Variants in ZNF148 observed in about 807,000 individuals in gnomAD.
ZNF148 encodes Beta-Enolase Repressor Factor-1.
A neutral mutation model predicts 67.7 loss-of-function variants in ZNF148; 7 were observed. The ratio of observed to expected loss-of-function variants is 0.10; its 90% confidence interval spans 0.06 to 0.19. The LOEUF (loss-of-function observed/expected upper bound fraction) is 0.19. Among genes scored for constraint, ZNF148 ranks in the 10% least tolerant of loss-of-function variants. ZNF148 has a pLI of 1.00. For synonymous variants in ZNF148, 333 were observed against 330.7 expected (o/e 1.01, Z -0.08); for missense variants, 583 against 947.1 (o/e 0.62, Z 5.05).
intron 7 of ZNF148, among the ~76,000 whole-genome samples, chr3:125,272,740 T>C (rs891139644): frequency 6.6e-5 from 10 of 152,226 alleles, no homozygotes; most frequent in African/African-American, 2.4e-4. Flanking sequence ...AGCTTTTATA[T>C]GTTTTATGTA....
At chr3:125,317,660 T>TAGAG (rs66600598) in intron 3 of ZNF148, among the ~76,000 whole-genome samples, 629 of 62,140 alleles carry the variant, frequency 0.01, 3 homozygotes, top group African/African-American at 0.031. Context: ...TATATATATA[T>TAGAG]ATAGAGAGAG....
intron 5 of ZNF148, among the ~76,000 whole-genome samples, chr3:125,280,206 T>A (rs1938303714): frequency 6.6e-6 from 1 of 152,114 alleles, no homozygotes; most frequent in African/African-American, 2.4e-5. Context: ...CACTTATAAA[T>A]TCAGTTTTTT....
intron 1 of ZNF148, among the ~76,000 whole-genome samples, chr3:125,350,149 T>C (rs75123172): frequency 0.012 from 1,207 of 102,276 alleles, 21 homozygotes; most frequent in African/African-American, 0.051. Flanking sequence ...AAAGAATTGA[T>C]AATGGGTTTT....
At chr3:125,278,442 A>G (rs1938191149) in intron 6 of ZNF148, among the ~76,000 whole-genome samples, 2 of 152,040 alleles carry the variant, frequency 1.3e-5, no homozygotes, top group South Asian at 4.1e-4. Flanking sequence ...TCTAAGTCAA[A>G]TTCTTCACTG....
intron 7 of ZNF148, among the ~76,000 whole-genome samples, chr3:125,241,184 A>G (rs945871757): frequency 6.6e-6 from 1 of 151,466 alleles, no homozygotes; most frequent in Admixed American, 6.6e-5. Flanking sequence ...TTACAGAGTT[A>G]AAAAAAAATC....
intron 1 of ZNF148, among the ~76,000 whole-genome samples, chr3:125,373,033 AT>A (rs1942941908): frequency 6.6e-6 from 1 of 152,128 alleles, no homozygotes; most frequent in Non-Finnish European, 1.5e-5. Context: ...ATTTAAGTGC[AT>A]TCTGCTTACA....
intron 7 of ZNF148, among the ~76,000 whole-genome samples, chr3:125,256,060 C>T (rs1372456624): frequency 1.3e-5 from 2 of 151,952 alleles, no homozygotes; most frequent in African/African-American, 4.8e-5. Flanking sequence ...GCCCAGCTTT[C>T]CTCAATTAGA....
At chr3:125,343,869 C>A (rs1395662160) in intron 1 of ZNF148, among the ~76,000 whole-genome samples, 1 of 152,098 alleles carries the variant, frequency 6.6e-6, no homozygotes, top group African/African-American at 2.4e-5. Context: ...CACGAACCCA[C>A]CGACAGGAAC....
intron 7 of ZNF148, among the ~76,000 whole-genome samples, chr3:125,263,243 A>G (rs1399970085): frequency 1.3e-5 from 2 of 152,206 alleles, no homozygotes; most frequent in Non-Finnish European, 2.9e-5. Flanking sequence ...ACAGGGTAAT[A>G]TTGTAGTATA....
intron 4 of ZNF148, among the ~76,000 whole-genome samples, chr3:125,306,388 T>C (rs1424522717): frequency 6.6e-6 from 1 of 152,018 alleles, no homozygotes; most frequent in Non-Finnish European, 1.5e-5. Context: ...CAAGTAAATC[T>C]CTACCCAGTC....
intron 7 of ZNF148, among the ~76,000 whole-genome samples, chr3:125,263,822 G>C (rs1224845459): frequency 1.3e-5 from 2 of 151,878 alleles, no homozygotes; most frequent in East Asian, 3.9e-4. Flanking sequence ...CGATCTTTCT[G>C]GGACCCTAGA....
At chr3:125,265,444 C>T (rs1937513391) in intron 7 of ZNF148, among the ~76,000 whole-genome samples, 1 of 152,206 alleles carries the variant, frequency 6.6e-6, no homozygotes, top group African/African-American at 2.4e-5. Flanking sequence ...TCACGGAATC[C>T]TAACATTTTA....
chr3:125,291,224 CACTG>C (rs1938993770), intron 4 of ZNF148, among the ~76,000 whole-genome samples: 1 of 152,146 alleles, frequency 6.6e-6, no homozygotes, highest in Non-Finnish European at 1.5e-5. Flanking sequence ...ATACCAACCT[CACTG>C]ACTTAGAGCA....
At chr3:125,318,132 T>C (rs1415024009) in intron 3 of ZNF148, among the ~76,000 whole-genome samples, 1 of 152,188 alleles carries the variant, frequency 6.6e-6, no homozygotes, top group Non-Finnish European at 1.5e-5. Context: ...GGTTTTAACC[T>C]TTCCCACTTA....
At chr3:125,267,599 A>G (rs1241775362) in intron 7 of ZNF148, among the ~76,000 whole-genome samples, 1 of 152,194 alleles carries the variant, frequency 6.6e-6, no homozygotes, top group Non-Finnish European at 1.5e-5. Context: ...AGAGCCATCT[A>G]TGACAAACCA....
At chr3:125,360,330 A>G (rs1559782742) in intron 1 of ZNF148, among the ~76,000 whole-genome samples, 1 of 152,032 alleles carries the variant, frequency 6.6e-6, no homozygotes, top group Non-Finnish European at 1.5e-5. Context: ...TCTGTGGCCC[A>G]GGCTGAGCGC....
intron 4 of ZNF148, chr3:125,310,917 C>A (rs6438893): frequency 0.76 from 161,414 of 213,680 alleles, 61,943 homozygotes; most frequent in African/African-American, 0.85. Flanking sequence ...ACCGTTACCC[C>A]CAGCAAACAG....
At chr3:125,286,452 TAGA>T (rs1173412968) in intron 5 of ZNF148, among the ~76,000 whole-genome samples, 25 of 152,312 alleles carry the variant, frequency 1.6e-4, no homozygotes, top group Non-Finnish European at 3.4e-4. Flanking sequence ...CCACTGCAGG[TAGA>T]AGTGTAACTG....
At chr3:125,263,398 A>C (rs139034077) in intron 7 of ZNF148, among the ~76,000 whole-genome samples, 20 of 152,218 alleles carry the variant, frequency 1.3e-4, no homozygotes, top group African/African-American at 4.8e-4. Flanking sequence ...TACAAATACA[A>C]AAATTAGCCG....
Sources: allele counts gnomAD v4.1 joint callset (sites outside exome capture counted in the v4.1 genomes callset), GRCh38; gene constraint gnomAD v4.1.1; transcripts MANE v1.5; gene names NCBI Gene and HGNC (gene_info 2026-07-23, HGNC 2026-07-21).